Variants in NPR3 observed in about 807,000 individuals in gnomAD.
NPR3 encodes atrial natriuretic peptide receptor 3.
In NPR3, 34 loss-of-function variants were observed where a neutral mutation model predicts 54.5. The observed-to-expected ratio is 0.62, with a 90% CI of 0.47 to 0.83. The LOEUF (loss-of-function observed/expected upper bound fraction) is 0.83. NPR3 is among the 40% of genes least tolerant of loss of function. The probability of loss-of-function intolerance (pLI) is 0.00; values close to 1 mark genes in which losing one functional copy is unlikely to be tolerated. For synonymous variants in NPR3, 289 were observed against 297.1 expected, an observed-to-expected ratio of 0.97 and a Z score of 0.28; for missense variants, 674 against 720.8, an observed-to-expected ratio of 0.94 and a Z score of 0.74.
intron 1 of NPR3, among the ~76,000 whole-genome samples, chr5:32,714,710 C>G (rs896785134): frequency 6.6e-6 from 1 of 152,164 alleles, no homozygotes; most frequent in African/African-American, 2.4e-5. Flanking sequence ...CCTTCCACCC[C>G]GAAATTCCTT....
intron 3 of NPR3, among the ~76,000 whole-genome samples, chr5:32,739,465 A>G (rs2111948467): frequency 6.6e-6 from 1 of 151,870 alleles, no homozygotes; most frequent in South Asian, 2.1e-4. Flanking sequence ...TTTAGGATAC[A>G]TTTTCTTTTG....
chr5:32,713,987 C>A (rs1483478990), intron 1 of NPR3, among the ~76,000 whole-genome samples: 1 of 152,212 alleles, frequency 6.6e-6, no homozygotes, highest in East Asian at 1.9e-4. Context: ...TGCGGACTTG[C>A]CACGCCTGCC....
At chr5:32,768,602 C>T (rs187025691) in intron 3 of NPR3, among the ~76,000 whole-genome samples, 1 of 152,278 alleles carries the variant, frequency 6.6e-6, no homozygotes, top group East Asian at 1.9e-4. Context: ...TCTGTTGTCC[C>T]TGTCATTACA....
At chr5:32,722,900 T>TC (rs1738938280) in intron 1 of NPR3, among the ~76,000 whole-genome samples, 1 of 152,198 alleles carries the variant, frequency 6.6e-6, no homozygotes, top group Non-Finnish European at 1.5e-5. Context: ...CAACACCTAC[T>TC]CCCATACTTG....
At chr5:32,723,893 C>A (rs948693275) in intron 1 of NPR3, among the ~76,000 whole-genome samples, 1 of 152,060 alleles carries the variant, frequency 6.6e-6, no homozygotes, top group Non-Finnish European at 1.5e-5. Flanking sequence ...CTCCCCTCCT[C>A]TCCCTTCCTT....
At position 32,720,601 on chromosome 5, in the gene NPR3, A is replaced by C. The variant is rs555795607; in HGVS notation, c.770-4097A>C. ...TGGCAAGGAGGAGGAAATAGAGTAG[A>C]ATGAAGAAAAGTCTATACATAAAGT... On this transcript the variant is annotated intron_variant, in intron 1 of 7. Coordinates refer to ENST00000265074, the MANE Select transcript of NPR3 (RefSeq NM_001204375.2). Among the ~76,000 whole-genome samples the C allele has an allele frequency of 2.0e-5, 3 of 152,368 alleles. No individual in the cohort carries two copies. In the East Asian group the frequency reaches 5.8e-4, roughly 29 times the overall value.
chr5:32,764,372 C>G (rs1741332522), intron 3 of NPR3, among the ~76,000 whole-genome samples: 1 of 152,034 alleles, frequency 6.6e-6, no homozygotes, highest in Non-Finnish European at 1.5e-5. Context: ...AGGGGGTACC[C>G]TCAAGGGAAA....
intron 2 of NPR3, among the ~76,000 whole-genome samples, chr5:32,731,778 C>T (rs930561677): frequency 1.3e-5 from 2 of 152,126 alleles, no homozygotes; most frequent in African/African-American, 2.4e-5. Flanking sequence ...CATCTTCATG[C>T]ACCTAACCAA....
intron 2 of NPR3, 114 bp from the exon 3 acceptor site, chr5:32,738,738 CTATGACAATACT>C: frequency 1.3e-6 from 1 of 760,660 alleles, no homozygotes; most frequent in Non-Finnish European, 2.1e-6. Flanking sequence ...AAGTGCAAAA[CTATGACAATACT>C]TCTCTTCCTG....
At chr5:32,705,813 T>C (rs1283644603), upstream of NPR3, among the ~76,000 whole-genome samples, 1 of 152,146 alleles carries the variant, frequency 6.6e-6, no homozygotes, top group African/African-American at 2.4e-5. Context: ...GCCATAGATA[T>C]CTCAATTGGT....
At chr5:32,710,882 GTGTGTGTGTATA>G, upstream of NPR3, 1 of 1,043,568 alleles carries the variant, frequency 9.6e-7, no homozygotes, top group South Asian at 1.8e-5. Context: ...TTTGCACGGT[GTGTGTGTGTATA>G]TGTGTGTGTG....
chr5:32,713,065 A>T, intron 1 of NPR3: 1 of 598,666 alleles, frequency 1.7e-6, no homozygotes, highest in Non-Finnish European at 2.1e-6. Context: ...CACAGACCCC[A>T]GGTTTCTTTT....
chr5:32,703,069 T>G (rs1737872502), intron 1 of NPR3, among the ~76,000 whole-genome samples: 1 of 152,196 alleles, frequency 6.6e-6, no homozygotes, highest in Admixed American at 6.5e-5. Flanking sequence ...TTCCTTTCCC[T>G]TTTCATAAGC....
chr5:32,710,817 C>T, upstream of NPR3: 2 of 1,494,184 alleles, frequency 1.3e-6, no homozygotes, highest in Non-Finnish European at 1.8e-6. Context: ...ATTTTTGCAC[C>T]GAAACCACAA....
At chr5:32,770,105 T>C (rs1191436552) in intron 3 of NPR3, among the ~76,000 whole-genome samples, 1 of 152,174 alleles carries the variant, frequency 6.6e-6, no homozygotes, top group Non-Finnish European at 1.5e-5. Flanking sequence ...TGTTCTTCCA[T>C]TCTGGCCAGC....
At chr5:32,767,846 C>T (rs549315985) in intron 3 of NPR3, among the ~76,000 whole-genome samples, 9 of 152,166 alleles carry the variant, frequency 5.9e-5, no homozygotes, top group Non-Finnish European at 1.2e-4. Flanking sequence ...GGAAGCTGTC[C>T]GAAGTTCTCA....
At chr5:32,693,694 A>G (rs544893237) in intron 1 of NPR3, among the ~76,000 whole-genome samples, 1 of 152,350 alleles carries the variant, frequency 6.6e-6, no homozygotes, top group Admixed American at 6.5e-5. Flanking sequence ...TGAATGTCTG[A>G]TCCAAAAGGT....
rs192928389 is a variant in NPR3, at chr5:32,711,576, T to A, written c.-201T>A. ...TTTCTTTTTCTTTTTCTTTTTTTTT[T>A]AAGAAAAACTAGTGACATTGCAGAG... On this transcript the variant is annotated 5_prime_UTR_variant, in exon 1 of 8. Coordinates refer to ENST00000265074, the MANE Select transcript of NPR3 (RefSeq NM_001204375.2). The A allele has an allele frequency of 8.1e-6, 10 of 1,240,906 alleles. No homozygotes were observed. The African/African-American group carries it at 1.2e-4, about 15-fold the overall frequency. 76.9% of individuals were successfully genotyped at this position (1,240,906 alleles called of 1,614,324 possible). A position where few individuals can be genotyped will look rare whatever the true frequency, so the allele number is the denominator to read the frequency against.
chr5:32,755,413 A>G (rs980085859), intron 3 of NPR3, among the ~76,000 whole-genome samples: 1 of 152,190 alleles, frequency 6.6e-6, no homozygotes, highest in Non-Finnish European at 1.5e-5. Flanking sequence ...ATCAGCACAC[A>G]TATAGTTAAG....
Sources: allele counts gnomAD v4.1 joint callset (sites outside exome capture counted in the v4.1 genomes callset), GRCh38; gene constraint gnomAD v4.1.1; transcripts MANE v1.5; gene names NCBI Gene and HGNC (gene_info 2026-07-23, HGNC 2026-07-21).